Variants in ZIM2 observed in about 807,000 individuals in gnomAD.
ZIM2 encodes zinc finger imprinted 2.
In ZIM2, 14 loss-of-function variants were observed where a neutral mutation model predicts 38.6. The observed-to-expected ratio is 0.36, with a 90% confidence interval of 0.24 to 0.57. The LOEUF is 0.57. Ranked by LOEUF, ZIM2 falls within the 20% of genes least tolerant of loss-of-function variation. The pLI, the probability that ZIM2 is intolerant of heterozygous loss-of-function variation, is 0.81. For missense variants in ZIM2, 680 were observed against 695.1 expected, an observed-to-expected ratio of 0.98 and a Z score of 0.24; for synonymous variants, 247 against 245.8, an observed-to-expected ratio of 1.00 and a Z score of -0.04.
chr19:56,778,514 TCTCTCTTGAGAATGCTTCTTGG>T (rs1251853468), intron 12 of ZIM2, among the ~76,000 whole-genome samples: 2 of 152,178 alleles, frequency 1.3e-5, no homozygotes, highest in African/African-American at 4.8e-5. Flanking sequence ...AGATGCTTCC[TCTCTCTTGAGAATGCTTCTTGG>T]ACACACCAGC....
intron 9 of ZIM2, 57 bp downstream of exon 9, chr19:56,817,689 C>T (rs954460161): frequency 6.4e-6 from 10 of 1,559,650 alleles, no homozygotes; most frequent in Non-Finnish European, 7.1e-6. Flanking sequence ...TGTAGAAGTT[C>T]CTTGATAGCA....
intron 12 of ZIM2, among the ~76,000 whole-genome samples, chr19:56,775,971 C>G (rs941873234): frequency 6.6e-6 from 1 of 151,726 alleles, no homozygotes; most frequent in Non-Finnish European, 1.5e-5. Context: ...CATGGTGGCG[C>G]GTGCCTGTAG....
rs201336293 is a variant in ZIM2, at chr19:56,816,483, G to A, written c.490+1263C>T. ...ACACTTTACCCTTGTTTTCAAATGGGTTCCCTCTAGTATGGATTTTCTGAT... is the reference window on the plus strand; with the variant it reads ...ACACTTTACCCTTGTTTTCAAATGGATTCCCTCTAGTATGGATTTTCTGAT... On this transcript the variant is annotated intron_variant, in intron 9 of 12. Transcript: ENST00000629319. 2.5e-6 allele frequency: 4 copies of A among 1,613,438 alleles called. No homozygotes were observed. In the East Asian group the frequency reaches 8.9e-5, roughly 36 times the overall value.
At chr19:56,839,430 T>G (rs766431142) in intron 1 of ZIM2, among the ~76,000 whole-genome samples, 6 of 150,886 alleles carry the variant, frequency 4.0e-5, no homozygotes, top group Admixed American at 1.3e-4. Context: ...GGGCAGGGCC[T>G]GAACAGATCG....
intron 1 of ZIM2, among the ~76,000 whole-genome samples, chr19:56,837,845 C>T (rs2062356497): frequency 6.6e-6 from 1 of 151,980 alleles, no homozygotes; most frequent in Non-Finnish European, 1.5e-5. Flanking sequence ...CCGGCCAACA[C>T]ACGTGGTACT....
Position 56,824,350 on chromosome 19 carries a change from G to C in ZIM2, c.-73C>G, listed in dbSNP as rs185251512. The C allele has an allele frequency of 1.4e-5, 23 of 1,614,096 alleles. No individual in the cohort carries two copies. The highest frequency in any genetic ancestry group is 1.8e-5 in the Non-Finnish European group (21 of 1,180,038). ...GCTTTTTTGCTCGCACCCAAGGCTT[G>C]AGCTTTTCAGGGATGATGGTCAGGT... is the stretch of plus-strand genomic sequence containing the variant. On this transcript the variant is annotated 5_prime_UTR_variant, in exon 4 of 13. Transcript: ENST00000629319.
chr19:56,816,205 T>G lies in ZIM2; in HGVS notation c.490+1541A>C, dbSNP rs1344280636. The G allele has an allele frequency of 1.9e-6, 3 of 1,614,114 alleles. No individual in the cohort carries two copies. The African/African-American group carries it at 4.0e-5, about 22-fold the overall frequency. On this transcript the variant is annotated intron_variant, in intron 9 of 12. Coordinates refer to ENST00000629319, the MANE Select transcript of ZIM2 (RefSeq NM_001387356.1). The stretch of plus-strand genomic sequence containing the variant: ...AGAGCTAATGGTGAACGCCTTTTCG[T>G]CCTCATCACTTTCAAGAGGTCTTGT...
intron 9 of ZIM2, among the ~76,000 whole-genome samples, chr19:56,801,199 G>C (rs1258784213): frequency 1.3e-5 from 2 of 152,092 alleles, no homozygotes; most frequent in Non-Finnish European, 2.9e-5. Flanking sequence ...CCCTCCCAAA[G>C]TGCTGGGATT....
At chr19:56,806,104 C>T (rs1486949045) in intron 9 of ZIM2, among the ~76,000 whole-genome samples, 4 of 152,090 alleles carry the variant, frequency 2.6e-5, no homozygotes, top group African/African-American at 9.7e-5. Flanking sequence ...GTGCAAATGA[C>T]AAAACAAATA....
chr19:56,805,305 T>G (rs887232294), intron 9 of ZIM2, among the ~76,000 whole-genome samples: 1 of 152,128 alleles, frequency 6.6e-6, no homozygotes, highest in African/African-American at 2.4e-5. Context: ...ACTCCACAAT[T>G]TCATTGTTTA....
chr19:56,798,756 A>G (rs1039914071), intron 9 of ZIM2: 1 of 152,160 alleles, frequency 6.6e-6, no homozygotes, highest in Non-Finnish European at 1.5e-5. Context: ...AACTTAAACA[A>G]ATTTACAAGA....
intron 1 of ZIM2, among the ~76,000 whole-genome samples, chr19:56,836,875 T>C (rs1601292567): frequency 7.0e-6 from 1 of 142,452 alleles, no homozygotes; most frequent in African/African-American, 2.7e-5. Flanking sequence ...GAGGCTGGGG[T>C]GGGAGAATCA....
intron 10 of ZIM2, among the ~76,000 whole-genome samples, chr19:56,789,150 C>G (rs950308311): frequency 3.3e-5 from 5 of 151,940 alleles, no homozygotes; most frequent in Admixed American, 6.6e-5. Context: ...ATAAGTATGT[C>G]TTAAATATGA....
rs771301103 is a variant in ZIM2, at chr19:56,789,901, A to C, written c.541T>G (p.Leu181Val). The part of the protein sequence containing the change: ...VPAEKRNTEM[L>V]DNLPSAGSQF... ...GACCCAGCAGATGGCAGATTGTCTA[A>C]CATCTCTGTGTTCCTCTTTTCTGCA... The change falls in exon 10 of 13, where the codon TTA (leucine) becomes GTA (valine). Residue 181 changes from leucine to valine, a missense_variant. Coordinates refer to ENST00000629319, the MANE Select transcript of ZIM2 (RefSeq NM_001387356.1). The C allele has an allele frequency of 7.6e-6, 12 of 1,582,566 alleles. No homozygotes were observed. The East Asian group carries it at 2.5e-4, about 33-fold the overall frequency.
intron 4 of ZIM2, 134 bp from the exon 5 acceptor site, chr19:56,823,813 C>G (rs2060745603): frequency 5.7e-6 from 6 of 1,046,148 alleles, no homozygotes; most frequent in Non-Finnish European, 8.6e-6. Flanking sequence ...TTTCTGAGTT[C>G]AAAACCCTTC....
At chr19:56,817,511 G>C in intron 9 of ZIM2, 1 of 1,609,544 alleles carries the variant, frequency 6.2e-7, no homozygotes, top group Non-Finnish European at 8.5e-7. Context: ...ATCACTCCGT[G>C]GGAAGATTCA....
Position 56,774,748 on chromosome 19 carries a change from G to A in ZIM2, c.1617C>T (p.Tyr539=). The change falls in exon 13 of 13, where the codon TAC becomes TAT. Residue 539 remains tyrosine, a synonymous_variant. Transcript: ENST00000629319. Reference sequence around the variant, plus strand: ...AATGGAGTTGATAATGTTGAGTGAGGTATGAGGGTCGGCCGAAACATTTCC... The same window carrying A: ...AATGGAGTTGATAATGTTGAGTGAGATATGAGGGTCGGCCGAAACATTTCC... ...LCGKCFGRPS[Y]LTQHYQLHSQ... The A allele has an allele frequency of 6.2e-7, 1 of 1,614,130 alleles. No individual in the cohort carries two copies. Among genetic ancestry groups the A allele is most frequent in the Non-Finnish European group, 8.5e-7 (1 of 1,180,032 alleles).
In ZIM2 at chr19:56,816,547, C is replaced by T. The variant is rs773882476; in HGVS notation, c.490+1199G>A. On this transcript the variant is annotated intron_variant, in intron 9 of 12. Transcript: ENST00000629319. ...TGAGCTATGAAGGAAAGTCTCCCCA[C>T]ACACCTTACATTCGTACATTTTCTC... 20 of 1,613,904 alleles carry T rather than the reference C, an allele frequency of 1.2e-5. No homozygotes were observed. Among genetic ancestry groups the T allele is most frequent in the Non-Finnish European group, 1.7e-5 (20 of 1,179,938 alleles).
chr19:56,814,874 A>G lies in ZIM2; in HGVS notation c.490+2872T>C, dbSNP rs889637595. 2.4e-5 allele frequency: 39 copies of G among 1,614,030 alleles called. No homozygotes were observed. Among genetic ancestry groups the G allele is most frequent in the Non-Finnish European group, 3.1e-5 (37 of 1,180,040 alleles). ...TCATCACACCCCTTCATGGAATACA[A>G]CTGGTCTTGTTCATGGATTCTCTGA... is the stretch of plus-strand genomic sequence containing the variant. On this transcript the variant is annotated intron_variant, in intron 9 of 12. Coordinates refer to ENST00000629319, the MANE Select transcript of ZIM2 (RefSeq NM_001387356.1). The surrounding 1 kb of genome is among the most constrained non-coding windows in gnomAD (Gnocchi z 5.8).
Sources: allele counts gnomAD v4.1 joint callset (sites outside exome capture counted in the v4.1 genomes callset), GRCh38; gene constraint gnomAD v4.1.1; non-coding constraint Gnocchi (gnomAD v3.1); transcripts MANE v1.5; gene names NCBI Gene and HGNC (gene_info 2026-07-23, HGNC 2026-07-21).